ADAM10: variants seen among roughly 807,000 people sequenced by gnomAD.
The protein encoded by ADAM10 is ADAM metallopeptidase domain 10.
Under a neutral mutation model 90.1 loss-of-function variants are expected in ADAM10, and 17 were observed. The ratio of observed to expected loss-of-function variants is 0.19; its 90% CI spans 0.13 to 0.28. ADAM10 has a LOEUF of 0.28. Ranked by LOEUF, ADAM10 falls within the 10% of genes least tolerant of loss-of-function variation. The pLI, the probability that ADAM10 is intolerant of heterozygous loss-of-function variation, is 1.00. For synonymous variants in ADAM10, 310 were observed against 298.6 expected (o/e 1.04, Z -0.40); for missense variants, 610 against 914.3 (o/e 0.67, Z 4.29).
intron 7 of ADAM10, 148 bp downstream of exon 7, chr15:58,643,738 A>G (rs1896473716): frequency 1.5e-6 from 1 of 670,830 alleles, no homozygotes. Flanking sequence ...TGTAAATGCC[A>G]GGAGTAAAAA....
At chr15:58,723,829 T>C (rs1330309808) in intron 1 of ADAM10, among the ~76,000 whole-genome samples, 1 of 151,116 alleles carries the variant, frequency 6.6e-6, no homozygotes, top group African/African-American at 2.4e-5. Flanking sequence ...AAAAAAACCA[T>C]GAAAGAAACA....
intron 4 of ADAM10, among the ~76,000 whole-genome samples, chr15:58,676,790 C>G (rs1194515432): frequency 2.0e-5 from 3 of 151,996 alleles, no homozygotes; most frequent in Admixed American, 2.0e-4. Flanking sequence ...GAACTCCAGA[C>G]TGGGCAACAG....
chr15:58,599,557 T>G, intron 15 of ADAM10, 41 bp downstream of exon 15: 1 of 1,605,264 alleles, frequency 6.2e-7, no homozygotes, highest in Non-Finnish European at 8.5e-7. Context: ...GCTAAACAAT[T>G]CTGAGTTACA....
intron 11 of ADAM10, among the ~76,000 whole-genome samples, chr15:58,615,011 A>G (rs1166901005): frequency 6.6e-6 from 1 of 152,236 alleles, no homozygotes; most frequent in African/African-American, 2.4e-5. Context: ...GCAGTGGCTC[A>G]CGCCTGTAAT....
At chr15:58,687,434 A>T (rs1435626724) in intron 2 of ADAM10, among the ~76,000 whole-genome samples, 1 of 152,200 alleles carries the variant, frequency 6.6e-6, no homozygotes, top group Non-Finnish European at 1.5e-5. Context: ...AAACATTACA[A>T]CCTAAAAGAA....
intron 2 of ADAM10, 97 bp downstream of exon 2, chr15:58,717,480 T>G (rs1436073859): frequency 3.2e-5 from 48 of 1,485,738 alleles, no homozygotes; most frequent in Non-Finnish European, 3.9e-5. Context: ...AATGAAGACC[T>G]TGCATTAGAG....
At chr15:58,671,135 A>C (rs1897182260) in intron 4 of ADAM10, among the ~76,000 whole-genome samples, 1 of 152,212 alleles carries the variant, frequency 6.6e-6, no homozygotes, top group Admixed American at 6.5e-5. Context: ...TTGAGCAAAC[A>C]AATTAAACCA....
rs146098741 is a variant in ADAM10, at chr15:58,675,285, A to G, written c.484+3839T>C. On this transcript the variant is annotated intron_variant, in intron 4 of 15. Coordinates refer to ENST00000260408, the MANE Select transcript of ADAM10 (RefSeq NM_001110.4). ...AATAAACCCAAATAAATTATTCTGC[A>G]GCTCTTCATATACAATTAAAATATA... Among the ~76,000 whole-genome samples the G allele has an allele frequency of 2.0e-3, 305 of 152,328 alleles. 1 individual carries two copies. Among genetic ancestry groups the G allele is most frequent in the African/African-American group, 6.9e-3 (285 of 41,582 alleles).
intron 9 of ADAM10, among the ~76,000 whole-genome samples, chr15:58,630,231 T>C (rs796296230): frequency 2.6e-5 from 4 of 152,344 alleles, no homozygotes; most frequent in African/African-American, 7.2e-5. Context: ...TAAATAAAAC[T>C]ATGATGGTCA....
intron 15 of ADAM10, 96 bp downstream of exon 15, chr15:58,599,502 T>A: frequency 2.2e-6 from 3 of 1,383,498 alleles, no homozygotes; most frequent in Non-Finnish European, 3.1e-6. Flanking sequence ...GAGAAAGTAC[T>A]GTAACATTAG....
intron 1 of ADAM10, chr15:58,749,115 G>A: frequency 2.5e-6 from 1 of 398,024 alleles, no homozygotes; most frequent in Middle Eastern, 6.3e-4. Flanking sequence ...TGCCTGCACC[G>A]GCGCCCGCCG....
In ADAM10 at chr15:58,597,410, G is replaced by A. The variant is rs201533601; in HGVS notation, c.*137C>T. On this transcript the variant is annotated 3_prime_UTR_variant, in exon 16 of 16. Coordinates refer to ENST00000260408, the MANE Select transcript of ADAM10 (RefSeq NM_001110.4). The stretch of plus-strand genomic sequence containing the variant: ...ATTTAAGTAATTCCACCTGGTCTGA[G>A]GATATGATCTCTTGCCATTTTTTCT... The A allele has an allele frequency of 8.4e-6, 13 of 1,556,428 alleles. 1 individual carries two copies. Among genetic ancestry groups the A allele is most frequent in the South Asian group, 1.2e-5 (1 of 84,644 alleles).
chr15:58,619,903 CA>C (rs1361294567), intron 11 of ADAM10, among the ~76,000 whole-genome samples: 11 of 142,462 alleles, frequency 7.7e-5, no homozygotes, highest in Non-Finnish European at 1.1e-4. Flanking sequence ...GACTCCATCT[CA>C]AAAAAAAAAA....
At chr15:58,643,724 G>T (rs529053275) in intron 7 of ADAM10, among the ~76,000 whole-genome samples, 162 bp downstream of exon 7, 1 of 151,996 alleles carries the variant, frequency 6.6e-6, no homozygotes, top group African/African-American at 2.4e-5. Flanking sequence ...TGTGTGTGTG[G>T]GTGTGTAAAT....
At chr15:58,667,231 C>A (rs1332181628) in intron 4 of ADAM10, among the ~76,000 whole-genome samples, 1 of 152,116 alleles carries the variant, frequency 6.6e-6, no homozygotes, top group Non-Finnish European at 1.5e-5. Context: ...CTCTGCCAGC[C>A]TCTTGCTTTT....
At chr15:58,610,604 G>A (rs1301510247) in intron 13 of ADAM10, 87 bp from the exon 14 acceptor site, 3 of 1,381,624 alleles carry the variant, frequency 2.2e-6, no homozygotes, top group East Asian at 2.4e-5. Context: ...ATACAAAGAG[G>A]GAAAAAAAAC....
At chr15:58,735,162 T>G (rs1899388360) in intron 1 of ADAM10, among the ~76,000 whole-genome samples, 1 of 152,202 alleles carries the variant, frequency 6.6e-6, no homozygotes, top group South Asian at 2.1e-4. Flanking sequence ...CACTCACCTT[T>G]GTATCTGGGA....
At chr15:58,737,925 T>A (rs1471460447) in intron 1 of ADAM10, among the ~76,000 whole-genome samples, 1 of 152,222 alleles carries the variant, frequency 6.6e-6, no homozygotes, top group Non-Finnish European at 1.5e-5. Flanking sequence ...AAATATCATA[T>A]AACAAGCAAG....
At chr15:58,706,847 A>G (rs879400648) in intron 2 of ADAM10, among the ~76,000 whole-genome samples, 10 of 151,952 alleles carry the variant, frequency 6.6e-5, no homozygotes, top group African/African-American at 1.9e-4. Flanking sequence ...CACCTCTACT[A>G]AAAATACATA....
Sources: allele counts gnomAD v4.1 joint callset (sites outside exome capture counted in the v4.1 genomes callset), GRCh38; gene constraint gnomAD v4.1.1; transcripts MANE v1.5; gene names NCBI Gene and HGNC (gene_info 2026-07-23, HGNC 2026-07-21).